Variants in NSD1 observed in about 807,000 individuals in gnomAD.
NSD1 encodes nuclear receptor binding SET domain protein 1, also known as histone-lysine N-methyltransferase, H3 lysine-36 specific.
NSD1 carries 26 observed loss-of-function variants against 242.7 expected under a neutral mutation model. That is an observed-to-expected ratio of 0.11 (90% CI 0.08 to 0.15). The LOEUF is 0.15. Among genes scored for constraint, NSD1 ranks in the 10% least tolerant of loss-of-function variants. NSD1 has a pLI of 1.00. For missense variants in NSD1, 2,495 were observed against 3,272.8 expected, an observed-to-expected ratio of 0.76 and a Z score of 5.80; for synonymous variants, 1,106 against 1,178.1, an observed-to-expected ratio of 0.94 and a Z score of 1.25.
intron 10 of NSD1, 27 bp from the exon 11 acceptor site, chr5:177,248,154 T>TG (rs1439324763): frequency 6.2e-7 from 1 of 1,613,206 alleles, no homozygotes; most frequent in Non-Finnish European, 8.5e-7. Flanking sequence ...ATAATACAGA[T>TG]GTGGGACATT....
intron 2 of NSD1, among the ~76,000 whole-genome samples, chr5:177,190,520 C>T (rs1388706675): frequency 6.6e-6 from 1 of 152,106 alleles, no homozygotes; most frequent in Non-Finnish European, 1.5e-5. Flanking sequence ...AAACTCCTGG[C>T]CTCAAGTTAT....
In NSD1 at chr5:177,150,409, C is replaced by T. The variant is rs7723276; in HGVS notation, c.927+14379C>T. On this transcript the variant is annotated intron_variant, in intron 2 of 22. Coordinates refer to ENST00000439151, the MANE Select transcript of NSD1 (RefSeq NM_022455.5). ...CCTCCCAAAGTGCTGGGATTACAGTCGTGAGCCACCGCGCCCTGCCACAAA... is the reference window on the plus strand; with the variant it reads ...CCTCCCAAAGTGCTGGGATTACAGTTGTGAGCCACCGCGCCCTGCCACAAA... 2.5e-3 allele frequency among the ~76,000 whole-genome samples: 377 copies of T among 152,248 alleles called. 1 individual carries two copies. The highest frequency in any genetic ancestry group is 8.6e-3 in the African/African-American group (358 of 41,542).
chr5:177,133,703 C>A (rs1382301890), upstream of NSD1: 1 of 148,720 alleles, frequency 6.7e-6, no homozygotes, highest in Non-Finnish European at 1.5e-5. The surrounding 1 kb of genome is among the most constrained non-coding windows in gnomAD (Gnocchi z 6.2). Flanking sequence ...CAGCCGCACG[C>A]GGGCCGGCGC....
intron 2 of NSD1, among the ~76,000 whole-genome samples, chr5:177,170,897 T>C (rs989912468): frequency 1.3e-5 from 2 of 151,902 alleles, no homozygotes; most frequent in Admixed American, 1.3e-4. Context: ...TTAGATAATA[T>C]AAGTAGTATC....
chr5:177,248,387 C>G, intron 11 of NSD1, 63 bp downstream of exon 11: 1 of 1,544,060 alleles, frequency 6.5e-7, no homozygotes, highest in Admixed American at 1.8e-5. Context: ...GAAACCCACT[C>G]CATCTCTTTA....
intron 12 of NSD1, among the ~76,000 whole-genome samples, chr5:177,252,795 C>T (rs62397234): frequency 1.6e-5 from 2 of 127,542 alleles, no homozygotes; most frequent in East Asian, 2.0e-4. Flanking sequence ...CTCTCTCTCT[C>T]CCTTTTTTTT....
At chr5:177,258,216 G>A (rs1366771273) in intron 13 of NSD1, among the ~76,000 whole-genome samples, 1 of 151,766 alleles carries the variant, frequency 6.6e-6, no homozygotes, top group East Asian at 1.9e-4. Flanking sequence ...CCGACCTCAG[G>A]TGATCTGCCT....
chr5:177,248,204 G>A lies in NSD1; in HGVS notation c.4521G>A (p.Thr1507=), dbSNP rs778642917. Residue 1507 remains threonine (T), a synonymous_variant, in exon 11 of 23, where the codon ACG becomes ACA. Coordinates refer to ENST00000439151, the MANE Select transcript of NSD1 (RefSeq NM_022455.5). ...AGGGAGAACTAATGCCTCACAGGAC[G>A]GCCACAAGCCCCAAGGAGACTGTTG... ...GSEGELMPHR[T]ATSPKETVEE... is the part of the protein sequence containing the mutation. 8.7e-6 allele frequency: 14 copies of A among 1,613,978 alleles called. No individual in the cohort carries two copies. Among genetic ancestry groups the A allele is most frequent in the Middle Eastern group, 1.6e-4 (1 of 6,082 alleles).
chr5:177,193,803 C>G (rs1365235363), intron 3 of NSD1, among the ~76,000 whole-genome samples: 2 of 152,074 alleles, frequency 1.3e-5, no homozygotes, highest in Admixed American at 6.6e-5. Context: ...GAGACGGAAT[C>G]TTGCTCTGTC....
chr5:177,256,533 T>G (rs1179621636), intron 12 of NSD1, among the ~76,000 whole-genome samples: 1 of 152,186 alleles, frequency 6.6e-6, no homozygotes, highest in Non-Finnish European at 1.5e-5. Context: ...GCCACTCACC[T>G]CAGCCTCCTG....
At chr5:177,188,779 C>G (rs542612861) in intron 2 of NSD1, among the ~76,000 whole-genome samples, 1 of 152,026 alleles carries the variant, frequency 6.6e-6, no homozygotes, top group Non-Finnish European at 1.5e-5. Context: ...CAGGCCTGAG[C>G]CACCACGGCT....
At chr5:177,183,975 T>A (rs1047862717) in intron 2 of NSD1, among the ~76,000 whole-genome samples, 1 of 152,226 alleles carries the variant, frequency 6.6e-6, no homozygotes, top group African/African-American at 2.4e-5. Flanking sequence ...GATCTCATTC[T>A]TTTTCATGGC....
intron 5 of NSD1, among the ~76,000 whole-genome samples, chr5:177,217,435 A>C (rs1562220982): frequency 6.6e-6 from 1 of 152,118 alleles, no homozygotes; most frequent in Non-Finnish European, 1.5e-5. Flanking sequence ...GCAAAGAGAT[A>C]ATTTGGCTCC....
At chr5:177,147,749 C>T (rs1757372599) in intron 2 of NSD1, among the ~76,000 whole-genome samples, 1 of 151,962 alleles carries the variant, frequency 6.6e-6, no homozygotes, top group African/African-American at 2.4e-5. Flanking sequence ...GCCACCACAC[C>T]CAGCTAATTT....
intron 22 of NSD1, 39 bp from the exon 23 acceptor site, chr5:177,293,793 C>CT: frequency 6.2e-7 from 1 of 1,611,388 alleles, no homozygotes; most frequent in Non-Finnish European, 8.5e-7. Context: ...ATATGTATCT[C>CT]TTTTTTCCTA....
intron 5 of NSD1, among the ~76,000 whole-genome samples, chr5:177,226,276 C>T (rs1764620303): frequency 6.6e-6 from 1 of 152,112 alleles, no homozygotes; most frequent in African/African-American, 2.4e-5. Context: ...CTCAAGTGTT[C>T]CACCTGCTTT....
intron 8 of NSD1, among the ~76,000 whole-genome samples, chr5:177,242,956 T>A (rs1336395201): frequency 6.6e-6 from 1 of 152,190 alleles, no homozygotes; most frequent in African/African-American, 2.4e-5. Context: ...AGAAGTATAT[T>A]AGTAGTGGGT....
At chr5:177,139,929 G>A (rs1756670325) in intron 2 of NSD1, among the ~76,000 whole-genome samples, 1 of 146,600 alleles carries the variant, frequency 6.8e-6, no homozygotes, top group African/African-American at 2.6e-5. Flanking sequence ...AGGCAACAGA[G>A]CAAGATCCTG....
intron 5 of NSD1, among the ~76,000 whole-genome samples, chr5:177,216,942 C>T (rs1763820069): frequency 1.3e-5 from 2 of 148,148 alleles, no homozygotes; most frequent in African/African-American, 5.2e-5. Flanking sequence ...AAATGTAAGG[C>T]CTTCAGTTTT....
Sources: gnomAD v4.1 joint callset for allele counts (sites outside exome capture counted in the v4.1 genomes callset) on GRCh38, gnomAD v4.1.1 for gene constraint, Gnocchi (gnomAD v3.1) non-coding constraint, MANE v1.5 for transcripts, NCBI Gene and HGNC (gene_info 2026-07-23, HGNC 2026-07-21) for gene names.